Variants in FHOD3 observed in about 807,000 individuals in gnomAD.
FHOD3 encodes the protein FH1/FH2 domain-containing protein 3.
FHOD3 carries 90 observed loss-of-function variants against 173.0 expected under a neutral mutation model. The observed-to-expected ratio is 0.52, with a 90% CI of 0.44 to 0.62. FHOD3 has a LOEUF of 0.62. Ranked by LOEUF, FHOD3 falls within the 20% of genes least tolerant of loss-of-function variation. The probability of loss-of-function intolerance (pLI) is 0.00; values close to 1 mark genes in which losing one functional copy is unlikely to be tolerated. For synonymous variants in FHOD3, 828 were observed against 823.0 expected, an observed-to-expected ratio of 1.01 and a Z score of -0.10; for missense variants, 1,945 against 2,034.7, an observed-to-expected ratio of 0.96 and a Z score of 0.85.
At chr18:36,603,238 T>C (rs1418234565) in intron 8 of FHOD3, among the ~76,000 whole-genome samples, 1 of 152,150 alleles carries the variant, frequency 6.6e-6, no homozygotes, top group Non-Finnish European at 1.5e-5. Context: ...TGTGAAAATC[T>C]AAAATTTTCC....
chr18:36,772,183 T>C (rs2043415811), intron 28 of FHOD3, among the ~76,000 whole-genome samples: 1 of 152,256 alleles, frequency 6.6e-6, no homozygotes, highest in Non-Finnish European at 1.5e-5. Flanking sequence ...ACACAGTTAC[T>C]ATAACAAGTA....
At chr18:36,325,229 A>G (rs969741840) in intron 1 of FHOD3, among the ~76,000 whole-genome samples, 3 of 152,080 alleles carry the variant, frequency 2.0e-5, no homozygotes, top group Non-Finnish European at 2.9e-5. Context: ...TGCAAGCAGA[A>G]TATTTCCTTA....
chr18:36,432,801 A>G (rs2050622180), intron 3 of FHOD3, among the ~76,000 whole-genome samples: 1 of 152,136 alleles, frequency 6.6e-6, no homozygotes. Flanking sequence ...GCTCTTTATC[A>G]TATGTTTGGA....
chr18:36,779,147 G>A (rs906235191), intron 28 of FHOD3: 10 of 404,106 alleles, frequency 2.5e-5, no homozygotes, highest in African/African-American at 1.0e-4. Flanking sequence ...CAGAAGCCTC[G>A]TGAGGGTGAG....
chr18:36,666,976 T>C (rs959075848), intron 14 of FHOD3, among the ~76,000 whole-genome samples: 3 of 152,220 alleles, frequency 2.0e-5, no homozygotes, highest in Non-Finnish European at 1.5e-5. Flanking sequence ...TTCATTTGCA[T>C]GTGTGTTTTT....
chr18:36,665,558 T>A (rs971349206), intron 14 of FHOD3, among the ~76,000 whole-genome samples: 1 of 149,138 alleles, frequency 6.7e-6, no homozygotes, highest in Non-Finnish European at 1.5e-5. Flanking sequence ...GGCAAATTGC[T>A]ATTTGCTCTG....
chr18:36,304,454 G>C (rs1431407544), intron 1 of FHOD3, among the ~76,000 whole-genome samples: 5 of 152,244 alleles, frequency 3.3e-5, no homozygotes, highest in Middle Eastern at 3.4e-3. Flanking sequence ...AAAAAATTAG[G>C]TTACAATTCC....
At chr18:36,708,683 T>C (rs943700785) in intron 17 of FHOD3, among the ~76,000 whole-genome samples, 7 of 152,168 alleles carry the variant, frequency 4.6e-5, no homozygotes, top group African/African-American at 1.7e-4. Flanking sequence ...CTGAAGTCCC[T>C]GTTCCTGGTA....
At chr18:36,710,592 T>C (rs1186728284) in intron 18 of FHOD3, 5 of 152,228 alleles carry the variant, frequency 3.3e-5, no homozygotes, top group African/African-American at 1.2e-4. Context: ...GATTTTATGC[T>C]TTATATTGCT....
At chr18:36,390,584 T>C (rs1230047995) in intron 3 of FHOD3, among the ~76,000 whole-genome samples, 1 of 152,182 alleles carries the variant, frequency 6.6e-6, no homozygotes, top group African/African-American at 2.4e-5. Context: ...CAGAAAACAC[T>C]TTTTTTGAAT....
At chr18:36,324,823 C>T (rs1415122382) in intron 1 of FHOD3, among the ~76,000 whole-genome samples, 1 of 152,162 alleles carries the variant, frequency 6.6e-6, no homozygotes, top group East Asian at 1.9e-4. Flanking sequence ...CTAGCAATTC[C>T]ACACCTAAAT....
At chr18:36,637,613 C>T (rs2034983949) in intron 10 of FHOD3, among the ~76,000 whole-genome samples, 1 of 152,178 alleles carries the variant, frequency 6.6e-6, no homozygotes, top group South Asian at 2.1e-4. Flanking sequence ...CAGTGGTGAA[C>T]ATGAACCTTA....
At chr18:36,491,826 G>A in intron 3 of FHOD3, among the ~76,000 whole-genome samples, 1 of 152,074 alleles carries the variant, frequency 6.6e-6, no homozygotes, top group South Asian at 2.1e-4. Context: ...TTTTATTGCT[G>A]AATAATAAAC....
chr18:36,396,944 C>T (rs1419782303), intron 3 of FHOD3, among the ~76,000 whole-genome samples: 2 of 152,028 alleles, frequency 1.3e-5, no homozygotes, highest in African/African-American at 2.4e-5. Flanking sequence ...TGATTGCATT[C>T]TGAGATTTCT....
intron 1 of FHOD3, among the ~76,000 whole-genome samples, chr18:36,339,155 A>G (rs1185471891): frequency 6.6e-6 from 1 of 152,234 alleles, no homozygotes; most frequent in East Asian, 1.9e-4. Flanking sequence ...GACTCACAGA[A>G]TTAGGATATT....
At chr18:36,579,788 A>C (rs1264969466) in intron 6 of FHOD3, among the ~76,000 whole-genome samples, 1 of 152,156 alleles carries the variant, frequency 6.6e-6, no homozygotes, top group Non-Finnish European at 1.5e-5. Context: ...GTGAGAAATA[A>C]ATTTCTGTTC....
chr18:36,603,650 C>T (rs933574509), intron 8 of FHOD3, among the ~76,000 whole-genome samples: 9 of 151,956 alleles, frequency 5.9e-5, no homozygotes, highest in East Asian at 3.9e-4. Context: ...ATTACAGGCA[C>T]GTGCCACCAT....
intron 1 of FHOD3, among the ~76,000 whole-genome samples, chr18:36,314,224 G>T (rs1266089152): frequency 6.6e-6 from 1 of 152,142 alleles, no homozygotes; most frequent in Non-Finnish European, 1.5e-5. Flanking sequence ...CTGCCTCATG[G>T]CCTCATCATC....
chr18:36,474,616 G>C (rs1020248991), intron 3 of FHOD3, among the ~76,000 whole-genome samples: 1 of 152,186 alleles, frequency 6.6e-6, no homozygotes, highest in Non-Finnish European at 1.5e-5. Flanking sequence ...TATTTGAGGA[G>C]TGGTGGGATA....
Sources: gnomAD v4.1 joint callset for allele counts (sites outside exome capture counted in the v4.1 genomes callset) on GRCh38, gnomAD v4.1.1 for gene constraint, MANE v1.5 for transcripts, NCBI Gene and HGNC (gene_info 2026-07-23, HGNC 2026-07-21) for gene names.